NKIRAS1: variants seen among roughly 807,000 people sequenced by gnomAD.
The protein encoded by NKIRAS1 is NFKB inhibitor interacting Ras like 1, also known as NF-kappa-B inhibitor-interacting Ras-like protein 1.
In NKIRAS1, 16 loss-of-function variants were observed where a neutral mutation model predicts 19.8. That is an observed-to-expected ratio of 0.81 (90% CI 0.55 to 1.23). The LOEUF is 1.23. Ranked by LOEUF, NKIRAS1 falls within the 50% of genes most tolerant of loss-of-function variation. NKIRAS1 has a pLI of 0.00. For synonymous variants in NKIRAS1, 88 were observed against 79.0 expected (o/e 1.11, Z -0.61); for missense variants, 184 against 220.0 (o/e 0.84, Z 1.04).
chr3:23,913,987 C>T (rs1704033373), intron 1 of NKIRAS1, among the ~76,000 whole-genome samples: 1 of 152,134 alleles, frequency 6.6e-6, no homozygotes, highest in African/African-American at 2.4e-5. Context: ...ACATCCCTAC[C>T]CTAAGAAACT....
At chr3:23,941,574 G>A (rs1209762481) in intron 1 of NKIRAS1, among the ~76,000 whole-genome samples, 3 of 151,240 alleles carry the variant, frequency 2.0e-5, no homozygotes, top group Non-Finnish European at 3.0e-5. Flanking sequence ...AGACACCACA[G>A]GATTAATAAA....
intron 4 of NKIRAS1, among the ~76,000 whole-genome samples, chr3:23,895,549 T>C (rs987932112): frequency 1.3e-5 from 2 of 152,150 alleles, no homozygotes; most frequent in African/African-American, 4.8e-5. Context: ...TATCCCACCA[T>C]ATTCACCCGG....
At chr3:23,916,685 T>C (rs930961044) in intron 1 of NKIRAS1, 99 bp downstream of exon 1, 1 of 152,558 alleles carries the variant, frequency 6.6e-6, no homozygotes, top group African/African-American at 2.4e-5. Flanking sequence ...CCCAGATTTC[T>C]GCGCCCGTCG....
upstream of NKIRAS1, chr3:23,918,266 G>C: frequency 1.1e-6 from 1 of 910,470 alleles, no homozygotes. Context: ...GTGCCTCCCT[G>C]TGTGAGTAGC....
upstream of NKIRAS1, chr3:23,919,031 A>G (rs1704902775): frequency 1.6e-6 from 1 of 615,588 alleles, no homozygotes; most frequent in South Asian, 2.0e-5. Flanking sequence ...AGTCTACATT[A>G]TCTCATTACA....
At chr3:23,916,739 C>A in intron 1 of NKIRAS1, 45 bp downstream of exon 1, 1 of 152,616 alleles carries the variant, frequency 6.6e-6, no homozygotes, top group African/African-American at 2.4e-5. Flanking sequence ...GACGCGGAGA[C>A]GCAGAGACTC....
intron 3 of NKIRAS1, among the ~76,000 whole-genome samples, chr3:23,904,451 C>T (rs1238328088): frequency 8.5e-5 from 13 of 152,112 alleles, no homozygotes; most frequent in Non-Finnish European, 1.8e-4. Context: ...GAGAGCACTC[C>T]CTTCAACCTC....
intron 1 of NKIRAS1, among the ~76,000 whole-genome samples, chr3:23,930,926 C>T (rs58103545): frequency 0.013 from 1,962 of 151,168 alleles, 49 homozygotes; most frequent in African/African-American, 0.046. Flanking sequence ...GCTGATCCTC[C>T]TGCCTTGGCC....
upstream of NKIRAS1, chr3:23,921,510 C>G: frequency 1.5e-6 from 1 of 673,160 alleles, no homozygotes. Flanking sequence ...ACAAGCTGTT[C>G]CCATTTGCTT....
In NKIRAS1 at chr3:23,946,232, C is replaced by G. The variant is rs1425414951; in HGVS notation, c.-140+91G>C. On this transcript the variant is annotated intron_variant, in intron 1 of 4. Coordinates refer to the NKIRAS1 transcript ENST00000421515. ...GGCGCTGACACCGCAGTGCACCGGA[C>G]GCCGCACGCTCTTTTCGCGAGGTGA... is the stretch of plus-strand genomic sequence containing the variant. The G allele has an allele frequency of 4.1e-6, 4 of 985,320 alleles. No individual in the cohort carries two copies. In the African/African-American group the frequency reaches 5.2e-5, roughly 13 times the overall value. 61.0% of individuals were successfully genotyped at this position (985,320 alleles called of 1,614,324 possible). A position where few individuals can be genotyped will look rare whatever the true frequency, so the allele number is the denominator to read the frequency against.
At chr3:23,896,042 G>T (rs1437155307) in intron 4 of NKIRAS1, among the ~76,000 whole-genome samples, 5 of 146,460 alleles carry the variant, frequency 3.4e-5, no homozygotes, top group African/African-American at 5.1e-5. Context: ...GGCTGAGGCA[G>T]GAGAATGGCA....
chr3:23,942,109 G>A (rs1051072741), intron 1 of NKIRAS1, among the ~76,000 whole-genome samples: 2 of 151,976 alleles, frequency 1.3e-5, no homozygotes, highest in African/African-American at 2.4e-5. Context: ...CTCCCTAGTG[G>A]CTAGGATTAC....
In NKIRAS1 at chr3:23,891,366, T is replaced by G. The variant is rs989207856; in HGVS notation, c.*1729A>C. The G allele has an allele frequency of 1.3e-5, 2 of 152,196 alleles. No homozygotes were observed. Among genetic ancestry groups the G allele is most frequent in the Admixed American group, 1.3e-4 (2 of 15,282 alleles). 9.4% of individuals were successfully genotyped at this position (152,196 alleles called of 1,614,324 possible). A position where few individuals can be genotyped will look rare whatever the true frequency, so the allele number is the denominator to read the frequency against. ...TTGCCTTTTGGTTGCCATTCGCAGA[T>G]TCTTCTGAAATCGATAGGTATCTGC... On this transcript the variant is annotated 3_prime_UTR_variant, in exon 5 of 5. Coordinates refer to ENST00000425478, the MANE Select transcript of NKIRAS1 (RefSeq NM_020345.4).
At chr3:23,928,864 C>T (rs1187994273) in intron 1 of NKIRAS1, among the ~76,000 whole-genome samples, 3 of 151,482 alleles carry the variant, frequency 2.0e-5, no homozygotes, top group Non-Finnish European at 2.9e-5. Flanking sequence ...TGGCGGTGTG[C>T]GCTGAGCCTG....
In NKIRAS1 at chr3:23,893,350, G is replaced by T; in HGVS notation, c.337-13C>A. 6.2e-7 allele frequency: 1 copy of T among 1,610,464 alleles called. No individual in the cohort carries two copies. The highest frequency in any genetic ancestry group is 8.5e-7 in the Non-Finnish European group (1 of 1,178,272). ...CCACAATTGCTACCTGAAAGAAAAC[G>T]GATTGAAAAGATCATACTAGTACTT... On this transcript the variant is annotated splice_polypyrimidine_tract_variant and intron_variant, in intron 4 of 4. Transcript: ENST00000425478.
intron 1 of NKIRAS1, among the ~76,000 whole-genome samples, chr3:23,912,323 A>C (rs1703826737): frequency 6.6e-6 from 1 of 152,192 alleles, no homozygotes; most frequent in South Asian, 2.1e-4. Flanking sequence ...GAATCCACAA[A>C]GAACTTAAAA....
chr3:23,945,011 G>GGAGAGGA (rs1417050324), intron 1 of NKIRAS1, among the ~76,000 whole-genome samples: 1 of 152,032 alleles, frequency 6.6e-6, no homozygotes, highest in Admixed American at 6.6e-5. Context: ...GCAGCCGGGA[G>GGAGAGGA]GAGAGGAAAG....
intron 4 of NKIRAS1, among the ~76,000 whole-genome samples, chr3:23,895,402 T>C (rs1701881719): frequency 1.3e-5 from 2 of 152,106 alleles, no homozygotes; most frequent in South Asian, 2.1e-4. Flanking sequence ...AATGCCCCCA[T>C]TGCAAGAATT....
At chr3:23,918,824 A>T (rs542796846), upstream of NKIRAS1, 8 of 548,998 alleles carry the variant, frequency 1.5e-5, no homozygotes, top group East Asian at 2.5e-4. Flanking sequence ...GAAGAGACCA[A>T]ATGTGGCCTG....
Sources: gnomAD v4.1 joint callset for allele counts (sites outside exome capture counted in the v4.1 genomes callset) on GRCh38, gnomAD v4.1.1 for gene constraint, MANE v1.5 for transcripts, NCBI Gene and HGNC (gene_info 2026-07-23, HGNC 2026-07-21) for gene names.